Variants in TMEFF2 observed in about 807,000 individuals in gnomAD.
TMEFF2 encodes the protein transmembrane protein with EGF like and two follistatin like domains 2.
TMEFF2 carries 28 observed loss-of-function variants against 53.8 expected under a neutral mutation model. That is an observed-to-expected ratio of 0.52 (90% CI 0.39 to 0.71). TMEFF2 has a LOEUF of 0.71. Among genes scored for constraint, TMEFF2 ranks in the 30% least tolerant of loss-of-function variants. The pLI, the probability that TMEFF2 is intolerant of heterozygous loss-of-function variation, is 0.00. For synonymous variants in TMEFF2, 162 were observed against 166.3 expected, an observed-to-expected ratio of 0.97 and a Z score of 0.20; for missense variants, 353 against 455.2, an observed-to-expected ratio of 0.78 and a Z score of 2.04.
intron 4 of TMEFF2, among the ~76,000 whole-genome samples, chr2:192,172,760 GA>G (rs1272010691): frequency 6.6e-6 from 1 of 151,910 alleles, no homozygotes; most frequent in Non-Finnish European, 1.5e-5. Context: ...AGGGGATGAG[GA>G]GATGTAATAA....
chr2:191,998,640 T>TACC (rs1236533317), intron 6 of TMEFF2, among the ~76,000 whole-genome samples: 1 of 152,044 alleles, frequency 6.6e-6, no homozygotes, highest in Non-Finnish European at 1.5e-5. Context: ...AACATTCTAG[T>TACC]ACCTCTTGCT....
intron 5 of TMEFF2, among the ~76,000 whole-genome samples, chr2:192,004,071 G>C (rs1402704294): frequency 6.6e-6 from 1 of 152,168 alleles, no homozygotes; most frequent in South Asian, 2.1e-4. Context: ...ACCTAGTACA[G>C]TGCATTACAA....
chr2:192,139,802 A>T (rs1350531052), intron 4 of TMEFF2, among the ~76,000 whole-genome samples: 2 of 152,140 alleles, frequency 1.3e-5, no homozygotes, highest in African/African-American at 4.8e-5. Context: ...TTTAACTATG[A>T]TGGAGAATGT....
At chr2:192,108,876 C>T (rs1342080802) in intron 4 of TMEFF2, among the ~76,000 whole-genome samples, 1 of 151,926 alleles carries the variant, frequency 6.6e-6, no homozygotes, top group Non-Finnish European at 1.5e-5. Flanking sequence ...ATAAAGAGCA[C>T]TGAAGTGCTG....
chr2:191,999,413 A>G (rs899393205), intron 5 of TMEFF2, among the ~76,000 whole-genome samples: 6 of 31,404 alleles, frequency 1.9e-4, no homozygotes, highest in African/African-American at 6.1e-4. Context: ...CAACTGAGCA[A>G]TGGATAAAAA....
At chr2:192,092,641 T>C (rs751406234) in intron 4 of TMEFF2, among the ~76,000 whole-genome samples, 1 of 152,122 alleles carries the variant, frequency 6.6e-6, no homozygotes, top group Non-Finnish European at 1.5e-5. Flanking sequence ...TTCTTGCTGA[T>C]GTGAGTAAGG....
chr2:192,120,433 T>C (rs1574390376), intron 4 of TMEFF2, among the ~76,000 whole-genome samples: 1 of 152,346 alleles, frequency 6.6e-6, no homozygotes, highest in African/African-American at 2.4e-5. Flanking sequence ...TTACCTATTG[T>C]GCGTGTGCTC....
chr2:192,097,013 TATAGTATTTGGTAAAGAATGA>T (rs1197240692), intron 4 of TMEFF2, among the ~76,000 whole-genome samples: 1 of 152,160 alleles, frequency 6.6e-6, no homozygotes, highest in African/African-American at 2.4e-5. Context: ...ATGTGCTAAA[TATAGTATTTGGTAAAGAATGA>T]AATCATCAAA....
In TMEFF2 at chr2:192,037,269, A is replaced by AAAAGAAAGAAAGAAAGAAAGAAAG. The variant is rs1440087652; in HGVS notation, c.536+20409_536+20410insCTTTCTTTCTTTCTTTCTTTCTTT. 1.1e-3 allele frequency: 80 copies of AAAAGAAAGAAAGAAAGAAAGAAAG among 72,590 alleles called. 3 individuals are homozygous for AAAAGAAAGAAAGAAAGAAAGAAAG. Among genetic ancestry groups the AAAAGAAAGAAAGAAAGAAAGAAAG allele is most frequent in the East Asian group, 2.6e-3 (6 of 2,306 alleles). The allele number at this position is 72,590 out of a possible 1,614,324, so 4.5% of individuals were successfully genotyped here. A position where few individuals can be genotyped will look rare whatever the true frequency, so the allele number is the denominator to read the frequency against. On this transcript the variant is annotated intron_variant, in intron 5 of 9. Coordinates refer to ENST00000272771, the MANE Select transcript of TMEFF2 (RefSeq NM_016192.4). ...GCAGAATGCACTTCTAAGACTAGCC[A>AAAAGAAAGAAAGAAAGAAAGAAAG]AAATAAAGAAAGAAAGAAAGAAAGA...
chr2:192,037,014 A>C (rs1219422049), intron 5 of TMEFF2: 1 of 152,054 alleles, frequency 6.6e-6, no homozygotes, highest in East Asian at 1.9e-4. Flanking sequence ...TCAGGATGTA[A>C]GCTGTTTAAA....
intron 4 of TMEFF2, among the ~76,000 whole-genome samples, chr2:192,168,769 G>A (rs1690833101): frequency 6.6e-6 from 1 of 152,014 alleles, no homozygotes; most frequent in African/African-American, 2.4e-5. Context: ...AATTTAAATG[G>A]CAGCATGCGA....
Position 192,194,613 on chromosome 2 carries a change from G to C in TMEFF2, c.-89C>G. The C allele has an allele frequency of 6.7e-7, 1 of 1,490,058 alleles. No individual in the cohort carries two copies. Among genetic ancestry groups the C allele is most frequent in the Non-Finnish European group, 9.1e-7 (1 of 1,097,352 alleles). 92.3% of individuals were successfully genotyped at this position (1,490,058 alleles called of 1,614,324 possible). A position where few individuals can be genotyped will look rare whatever the true frequency, so the allele number is the denominator to read the frequency against. On this transcript the variant is annotated 5_prime_UTR_variant, in exon 1 of 10. Coordinates refer to ENST00000272771, the MANE Select transcript of TMEFF2 (RefSeq NM_016192.4). The surrounding 1 kb of genome is among the most constrained non-coding windows in gnomAD (Gnocchi z 4.2). Reference sequence around the variant, plus strand: ...GGCAGCGGGCTACTGAGCATCCCGCGGACGGCGGCAGCAGAGGCGGCGGCG... The same window carrying C: ...GGCAGCGGGCTACTGAGCATCCCGCCGACGGCGGCAGCAGAGGCGGCGGCG...
intron 5 of TMEFF2, among the ~76,000 whole-genome samples, chr2:192,033,923 C>T (rs1450630302): frequency 1.3e-5 from 2 of 152,048 alleles, no homozygotes; most frequent in African/African-American, 2.4e-5. Flanking sequence ...CGCCCGTAAT[C>T]CCAGCACTCT....
At chr2:192,124,220 A>T (rs1442138383) in intron 4 of TMEFF2, among the ~76,000 whole-genome samples, 1 of 152,254 alleles carries the variant, frequency 6.6e-6, no homozygotes, top group Non-Finnish European at 1.5e-5. Flanking sequence ...GAATGCAATC[A>T]TTACAAAAAT....
chr2:192,037,800 C>T (rs1055634299), intron 5 of TMEFF2: 1 of 152,158 alleles, frequency 6.6e-6, no homozygotes, highest in Non-Finnish European at 1.5e-5. Flanking sequence ...TACACATTCT[C>T]AACCATAAAC....
intron 3 of TMEFF2, among the ~76,000 whole-genome samples, chr2:192,182,140 T>A (rs1382676607): frequency 6.6e-6 from 1 of 151,860 alleles, no homozygotes; most frequent in East Asian, 1.9e-4. Context: ...AAAATTAAGT[T>A]CAATGAAATA....
At chr2:192,149,434 T>C (rs1204090373) in intron 4 of TMEFF2, among the ~76,000 whole-genome samples, 1 of 151,992 alleles carries the variant, frequency 6.6e-6, no homozygotes, top group Non-Finnish European at 1.5e-5. Flanking sequence ...GCTCCAATTA[T>C]GCTTTTTCTA....
At chr2:192,157,027 A>ATG (rs1690521872) in intron 4 of TMEFF2, among the ~76,000 whole-genome samples, 1 of 152,020 alleles carries the variant, frequency 6.6e-6, no homozygotes, top group Admixed American at 6.6e-5. Flanking sequence ...TTTGTATAGG[A>ATG]TGGTGTAGAT....
chr2:192,112,471 C>T (rs554303953), intron 4 of TMEFF2, among the ~76,000 whole-genome samples: 2 of 152,276 alleles, frequency 1.3e-5, no homozygotes, highest in Admixed American at 6.6e-5. Context: ...ATGCCTGTAC[C>T]TCTATTGTAT....
Sources: allele counts gnomAD v4.1 joint callset (sites outside exome capture counted in the v4.1 genomes callset), GRCh38; gene constraint gnomAD v4.1.1; non-coding constraint Gnocchi (gnomAD v3.1); transcripts MANE v1.5; gene names NCBI Gene and HGNC (gene_info 2026-07-23, HGNC 2026-07-21).